Variants in MAVS observed in about 807,000 individuals in gnomAD.
MAVS encodes mitochondrial antiviral signaling protein.
MAVS carries 20 observed loss-of-function variants against 30.2 expected under a neutral mutation model. The observed-to-expected ratio is 0.66, with a 90% confidence interval of 0.47 to 0.96. MAVS has a LOEUF of 0.96. MAVS is among the 40% of genes least tolerant of loss of function. MAVS has a pLI of 0.00. For synonymous variants in MAVS, 278 were observed against 293.9 expected (o/e 0.95, Z 0.55); for missense variants, 624 against 701.1 (o/e 0.89, Z 1.24).
In MAVS at chr20:3,864,517, C is replaced by G; in HGVS notation, c.887C>G (p.Ser296Cys). ...GAGGCACCTGCCAACTCTCTGCCCTCCAAAGTGCCTACCACCTTGATGCCT... is the reference window on the plus strand; with the variant it reads ...GAGGCACCTGCCAACTCTCTGCCCTGCAAAGTGCCTACCACCTTGATGCCT... ...GAEAPANSLPSKVPTTLMPVN... is the reference protein window; with the variant it reads ...GAEAPANSLPCKVPTTLMPVN... The change falls in exon 6 of 7, where the codon TCC becomes TGC. Residue 296 changes from serine (S) to cysteine (C), a missense_variant. Ser to Cys is a moderately radical substitution (Grantham distance 112, BLOSUM62 -1). Transcript: ENST00000428216. The G allele has an allele frequency of 2.5e-6, 4 of 1,614,122 alleles. No individual in the cohort carries two copies. The highest frequency in any genetic ancestry group is 3.4e-6 in the Non-Finnish European group (4 of 1,180,032).
intron 1 of MAVS, among the ~76,000 whole-genome samples, chr20:3,851,218 C>T (rs532546385): frequency 1.5e-4 from 23 of 152,144 alleles, no homozygotes; most frequent in African/African-American, 5.3e-4. Context: ...ATCCCAGCTA[C>T]TCGGGAGGCT....
Position 3,864,468 on chromosome 20 carries a change from C to G in MAVS, c.838C>G (p.Pro280Ala). 6.2e-7 allele frequency: 1 copy of G among 1,614,024 alleles called. No individual in the cohort carries two copies. Among genetic ancestry groups the G allele is most frequent in the Non-Finnish European group, 8.5e-7 (1 of 1,180,016 alleles). ...GGGTGCAGAGAGTGACCAGGCCGAGCCTATCATCTGCTCCAGTGGGGCAGA... is the reference window on the plus strand; with the variant it reads ...GGGTGCAGAGAGTGACCAGGCCGAGGCTATCATCTGCTCCAGTGGGGCAGA... ...KQGAESDQAE[P>A]IICSSGAEAP... Residue 280 changes from proline (P) to alanine (A), a missense_variant, in exon 6 of 7, where the codon CCT becomes GCT. Pro to Ala is a conservative substitution (Grantham distance 27, BLOSUM62 -1). Coordinates refer to ENST00000428216, the MANE Select transcript of MAVS (RefSeq NM_020746.5).
intron 2 of MAVS, among the ~76,000 whole-genome samples, 154 bp downstream of exon 2, chr20:3,854,895 T>TTTC (rs1555779994): frequency 2.7e-5 from 4 of 147,712 alleles, no homozygotes; most frequent in African/African-American, 7.5e-5. Flanking sequence ...GCTTTTCTTT[T>TTTC]TTTTTTTTTT....
At chr20:3,854,292 G>A (rs1242625284) in intron 1 of MAVS, among the ~76,000 whole-genome samples, 2 of 151,282 alleles carry the variant, frequency 1.3e-5, no homozygotes, top group East Asian at 2.0e-4. Context: ...ATGGTGGTGC[G>A]CACCTGTAAT....
chr20:3,859,006 C>G (rs2089837991), intron 3 of MAVS, among the ~76,000 whole-genome samples: 1 of 151,908 alleles, frequency 6.6e-6, no homozygotes, highest in African/African-American at 2.4e-5. Context: ...CACTATGTTG[C>G]CCAGGCTGGT....
At chr20:3,864,136 G>A in intron 5 of MAVS, 120 bp from the exon 6 acceptor site, 1 of 1,133,992 alleles carries the variant, frequency 8.8e-7, no homozygotes, top group South Asian at 1.5e-5. Flanking sequence ...TCCAAGGGCA[G>A]GAGATTTGGA....
At chr20:3,858,238 T>C (rs1035981180) in intron 3 of MAVS, among the ~76,000 whole-genome samples, 1 of 151,826 alleles carries the variant, frequency 6.6e-6, no homozygotes, top group Non-Finnish European at 1.5e-5. Context: ...CTCTCCTCCT[T>C]CTCTTCCCCT....
intron 2 of MAVS, 31 bp from the exon 3 acceptor site, chr20:3,857,604 T>G: frequency 1.9e-6 from 3 of 1,578,484 alleles, no homozygotes; most frequent in Non-Finnish European, 2.6e-6. Context: ...GCCACCTGGC[T>G]TGAGCAGGAC....
Position 3,854,687 on chromosome 20 carries a change from T to G in MAVS, c.63T>G (p.Asn21Lys). 3 of 1,613,930 alleles carry G rather than the reference T, an allele frequency of 1.9e-6. No homozygotes were observed. The highest frequency in any genetic ancestry group is 2.5e-6 in the Non-Finnish European group (3 of 1,179,912). ...GCCGCAATTTCAGCAATTTTTGCAA[T>G]GTGGATGTTGTAGAGATTCTGCCTT... ...YICRNFSNFC[N>K]VDVVEILPYL... is the part of the protein sequence containing the mutation. The change falls in exon 2 of 7, where the codon AAT becomes AAG. Residue 21 changes from asparagine (N) to lysine (K), a missense_variant. By Grantham distance (94) the Asn-to-Lys change is moderately conservative. Transcript: ENST00000428216.
chr20:3,864,988 C>A (rs1432932882), intron 6 of MAVS, among the ~76,000 whole-genome samples, 200 bp downstream of exon 6: 1 of 152,234 alleles, frequency 6.6e-6, no homozygotes, highest in African/African-American at 2.4e-5. Context: ...GAGGAACAGT[C>A]ATTGAGCTTC....
In MAVS at chr20:3,873,364, T is replaced by G. The variant is rs2089969086; in HGVS notation, c.*7217T>G. Reference sequence around the variant, plus strand: ...GCCTGGCCAACATGGTGAAACCCCATCTGTACTAAAAATACAAAAATTAGC... The same window carrying G: ...GCCTGGCCAACATGGTGAAACCCCAGCTGTACTAAAAATACAAAAATTAGC... On this transcript the variant is annotated 3_prime_UTR_variant, in exon 7 of 7. Coordinates refer to ENST00000428216, the MANE Select transcript of MAVS (RefSeq NM_020746.5). 6.6e-6 allele frequency: 1 copy of G among 152,100 alleles called. No individual in the cohort carries two copies. The highest frequency in any genetic ancestry group is 6.6e-5 in the Admixed American group (1 of 15,258). 9.4% of individuals were successfully genotyped at this position (152,100 alleles called of 1,614,324 possible).
chr20:3,857,910 C>T (rs923054230), intron 3 of MAVS, 101 bp downstream of exon 3: 25 of 1,314,376 alleles, frequency 1.9e-5, no homozygotes, highest in Non-Finnish European at 2.4e-5. Context: ...CTGTCATCCT[C>T]TTTCTTGTCA....
intron 2 of MAVS, among the ~76,000 whole-genome samples, chr20:3,856,643 A>G (rs1382396998): frequency 3.3e-5 from 5 of 151,580 alleles, no homozygotes; most frequent in Non-Finnish European, 5.9e-5. Context: ...GCACCTGGCT[A>G]TTTTCCTTTT....
Position 3,866,081 on chromosome 20 carries a change from G to C in MAVS, c.1557G>C (p.Gln519His). Residue 519 changes from glutamine to histidine, a missense_variant, in exon 7 of 7, where the codon CAG becomes CAC. Coordinates refer to ENST00000428216, the MANE Select transcript of MAVS (RefSeq NM_020746.5). Reference sequence around the variant, plus strand: ...CCTCACCTGGGGCTCTGTGGCTCCAGGTGGCTGTGACAGGGGTGCTGGTAG... The same window carrying C: ...CCTCACCTGGGGCTCTGTGGCTCCACGTGGCTGTGACAGGGGTGCTGGTAG... ...HRPSPGALWL[Q>H]VAVTGVLVVT... The C allele has an allele frequency of 6.2e-7, 1 of 1,611,058 alleles. No individual in the cohort carries two copies.
At chr20:3,859,968 A>C (rs1004972835) in intron 3 of MAVS, among the ~76,000 whole-genome samples, 17 of 150,332 alleles carry the variant, frequency 1.1e-4, no homozygotes, top group South Asian at 2.1e-4. Context: ...AGGCGCCTGC[A>C]ACCATGCCCG....
chr20:3,850,629 G>A lies in MAVS; in HGVS notation c.-68+3726G>A, dbSNP rs868684038. ...AGGCCAGGCGCAGTGGCTCACGCCT[G>A]TAATCCCAGCACTTTGGGAGGCCGA... On this transcript the variant is annotated intron_variant, in intron 1 of 6. Coordinates refer to ENST00000428216, the MANE Select transcript of MAVS (RefSeq NM_020746.5). 6.9e-4 allele frequency among the ~76,000 whole-genome samples: 104 copies of A among 150,594 alleles called. 1 individual carries two copies. Among genetic ancestry groups the A allele is most frequent in the African/African-American group, 2.3e-3 (96 of 40,908 alleles).
intron 1 of MAVS, among the ~76,000 whole-genome samples, chr20:3,854,098 C>T (rs1171558510): frequency 6.6e-6 from 1 of 151,404 alleles, no homozygotes. Context: ...GTGCCCAGCC[C>T]GAGACCCCAT....
At position 3,865,359 on chromosome 20, in the gene MAVS, T is replaced by C. The variant is rs1480961779; in HGVS notation, c.1159-324T>C. The stretch of plus-strand genomic sequence containing the variant: ...GGGCACATGGCCAGGCCTCTGACCC[T>C]GTGGCTGCTCTCTAGTTCTCAGGCC... On this transcript the variant is annotated intron_variant, in intron 6 of 6. Transcript: ENST00000428216. The surrounding 1 kb of genome is among the most constrained non-coding windows in gnomAD (Gnocchi z 4.7). 6.6e-6 allele frequency among the ~76,000 whole-genome samples: 1 copy of C among 152,198 alleles called. No homozygotes were observed. The highest frequency in any genetic ancestry group is 1.5e-5 in the Non-Finnish European group (1 of 68,038).
intron 1 of MAVS, among the ~76,000 whole-genome samples, chr20:3,847,712 G>C (rs970443881): frequency 6.6e-6 from 1 of 152,094 alleles, no homozygotes; most frequent in South Asian, 2.1e-4. Flanking sequence ...CCTCCCTCCC[G>C]CCAAGTGACC....
Sources: gnomAD v4.1 joint callset for allele counts (sites outside exome capture counted in the v4.1 genomes callset) on GRCh38, gnomAD v4.1.1 for gene constraint, Gnocchi (gnomAD v3.1) non-coding constraint, MANE v1.5 for transcripts, NCBI Gene and HGNC (gene_info 2026-07-23, HGNC 2026-07-21) for gene names.